Variants in PAK6 observed in about 807,000 individuals in gnomAD.
The protein encoded by PAK6 is p21 (RAC1) activated kinase 6.
A neutral mutation model predicts 60.8 loss-of-function variants in PAK6; 33 were observed. The observed-to-expected ratio is 0.54, with a 90% CI of 0.41 to 0.73. PAK6 has a LOEUF of 0.73. Among genes scored for constraint, PAK6 ranks in the 30% least tolerant of loss-of-function variants. The pLI is 0.00. For missense variants in PAK6, 845 were observed against 904.1 expected (o/e 0.93, Z 0.84); for synonymous variants, 404 against 378.5 (o/e 1.07, Z -0.78).
At chr15:40,241,798 T>C (rs2038355890) in intron 2 of PAK6, among the ~76,000 whole-genome samples, 1 of 152,176 alleles carries the variant, frequency 6.6e-6, no homozygotes, top group Admixed American at 6.5e-5. Context: ...GAAAGCCCGC[T>C]CTGTGCACAA....
chr15:40,273,697 CCA>C, intron 9 of PAK6, 21 bp downstream of exon 9: 1 of 1,608,894 alleles, frequency 6.2e-7, no homozygotes. Context: ...CCTCCACCCC[CCA>C]GACCTCCCAA....
intron 3 of PAK6, among the ~76,000 whole-genome samples, chr15:40,257,465 TGACCACGTGGGATAC>T (rs1416225289): frequency 6.6e-6 from 1 of 151,296 alleles, no homozygotes; most frequent in African/African-American, 2.5e-5. Context: ...GTCAGGTGGG[TGACCACGTGGGATAC>T]CACCACTTCT....
intron 5 of PAK6, among the ~76,000 whole-genome samples, chr15:40,269,841 T>C (rs1402029590): frequency 6.6e-6 from 1 of 152,188 alleles, no homozygotes; most frequent in African/African-American, 2.4e-5. Context: ...CACAGGGACC[T>C]GGCCTGTGGA....
At chr15:40,272,538 G>C (rs539392829) in exon 6 of PAK6, 2 of 1,613,776 alleles carry the variant, frequency 1.2e-6, no homozygotes, top group Admixed American at 3.3e-5. Flanking sequence ...AGCAGTTCAA[G>C]GCTGCGCTCA....
exon 4 of PAK6, chr15:40,264,893 C>G: frequency 6.2e-7 from 1 of 1,613,880 alleles, no homozygotes; most frequent in Non-Finnish European, 8.5e-7. Flanking sequence ...TTGTGGGCCT[C>G]CCCCCACAAT....
intron 2 of PAK6, 105 bp from the exon 3 acceptor site, chr15:40,253,062 TCAGTCGGGAGG>T: frequency 2.6e-6 from 1 of 388,828 alleles, no homozygotes; most frequent in South Asian, 1.9e-5. Flanking sequence ...AGCCAGGAGT[TCAGTCGGGAGG>T]CGGGCGCGGA....
chr15:40,261,673 A>G (rs2038989771), intron 3 of PAK6, among the ~76,000 whole-genome samples: 1 of 152,136 alleles, frequency 6.6e-6, no homozygotes, highest in Admixed American at 6.5e-5. Flanking sequence ...GCCTCACCAC[A>G]TTTCAGATGA....
intron 2 of PAK6, among the ~76,000 whole-genome samples, chr15:40,249,492 G>A (rs1194186018): frequency 6.6e-6 from 1 of 152,180 alleles, no homozygotes; most frequent in Non-Finnish European, 1.5e-5. Flanking sequence ...CTTTGTACGG[G>A]GCCTGGCCCA....
chr15:40,264,599 G>T, intron 3 of PAK6, 182 bp from the exon 4 acceptor site: 1 of 639,588 alleles, frequency 1.6e-6, no homozygotes, highest in Middle Eastern at 2.5e-4. Flanking sequence ...TTGTTTCTGG[G>T]ACTGTTCTGC....
At chr15:40,251,762 A>T (rs2038675460) in intron 2 of PAK6, 1 of 152,298 alleles carries the variant, frequency 6.6e-6, no homozygotes, top group Non-Finnish European at 1.5e-5. Context: ...TTATCTGGGG[A>T]AGAGATGAGT....
chr15:40,271,092 A>G lies in PAK6; in HGVS notation c.859-1132A>G, dbSNP rs145035976. Among the ~76,000 whole-genome samples, 567 of 152,294 alleles carry G rather than the reference A, an allele frequency of 3.7e-3. 5 individuals are homozygous for G. Among genetic ancestry groups the G allele is most frequent in the Non-Finnish European group, 5.3e-3 (361 of 68,002 alleles). Reference sequence around the variant, plus strand: ...GGCACCTAAGACAATGGCTTACATGATGGGTTTGGAGAAGTTCCTAGAAGG... The same window carrying G: ...GGCACCTAAGACAATGGCTTACATGGTGGGTTTGGAGAAGTTCCTAGAAGG... On this transcript the variant is annotated intron_variant, in intron 5 of 10. Transcript: ENST00000560346.
intron 2 of PAK6, among the ~76,000 whole-genome samples, chr15:40,242,433 T>C (rs1231101761): frequency 6.6e-6 from 1 of 152,318 alleles, no homozygotes; most frequent in East Asian, 1.9e-4. Flanking sequence ...AGGCCCAGGC[T>C]GCGGAAGCAG....
At chr15:40,253,098 C>G in intron 2 of PAK6, 80 bp from the exon 3 acceptor site, 2 of 417,748 alleles carry the variant, frequency 4.8e-6, no homozygotes, top group Admixed American at 5.1e-5. Context: ...TTCCCAGCGC[C>G]TGGACGTCAG....
At chr15:40,241,393 A>C (rs905050332) in intron 2 of PAK6, among the ~76,000 whole-genome samples, 3 of 151,944 alleles carry the variant, frequency 2.0e-5, no homozygotes, top group African/African-American at 4.8e-5. Flanking sequence ...CTGCAGGAGG[A>C]GAGGATGAGC....
chr15:40,254,020 G>A (rs1334173299), intron 3 of PAK6, among the ~76,000 whole-genome samples: 1 of 152,146 alleles, frequency 6.6e-6, no homozygotes, highest in Non-Finnish European at 1.5e-5. Context: ...CTGGTTCCAT[G>A]CAAGGTGAGG....
At chr15:40,276,749 CGTGT>C (rs58716292) in exon 11 of PAK6, 2,150 of 134,490 alleles carry the variant, frequency 0.016, 30 homozygotes, top group East Asian at 0.064. Flanking sequence ...GAGAGAACAT[CGTGT>C]GTGTGTGTGT....
At chr15:40,265,864 T>C in exon 5 of PAK6, 1 of 1,548,388 alleles carries the variant, frequency 6.5e-7, no homozygotes, top group South Asian at 1.2e-5. Flanking sequence ...GGCAGCGCGA[T>C]GCCTGTGGAT....
At chr15:40,273,783 A>C in intron 9 of PAK6, 107 bp downstream of exon 9, 1 of 1,355,144 alleles carries the variant, frequency 7.4e-7, no homozygotes. Flanking sequence ...CCTGGTTTTC[A>C]GAGTCCCACC....
chr15:40,257,885 CTG>C (rs2038881096), intron 3 of PAK6, among the ~76,000 whole-genome samples: 1 of 152,182 alleles, frequency 6.6e-6, no homozygotes. Flanking sequence ...CCCCTTGTCT[CTG>C]TGGAACAGTA....
Sources: gnomAD v4.1 joint callset for allele counts (sites outside exome capture counted in the v4.1 genomes callset) on GRCh38, gnomAD v4.1.1 for gene constraint, MANE v1.5 for transcripts, NCBI Gene and HGNC (gene_info 2026-07-23, HGNC 2026-07-21) for gene names.